Variants in SCARA3 observed in about 807,000 individuals in gnomAD.
SCARA3 encodes cellular stress response gene protein.
A neutral mutation model predicts 47.0 loss-of-function variants in SCARA3; 39 were observed. The ratio of observed to expected loss-of-function variants is 0.83; its 90% CI spans 0.64 to 1.08. The LOEUF is 1.08. SCARA3 is among the 50% of genes least tolerant of loss of function. SCARA3 has a pLI of 0.00. For synonymous variants in SCARA3, 356 were observed against 334.1 expected (o/e 1.07, Z -0.71); for missense variants, 724 against 792.3 (o/e 0.91, Z 1.04).
At position 27,671,670 on chromosome 8, in the gene SCARA3, GCA is replaced by G; in HGVS notation, c.*324_*325del. 6.5e-6 allele frequency: 7 copies of G among 1,083,138 alleles called. No homozygotes were observed. The highest frequency in any genetic ancestry group is 7.9e-6 in the Non-Finnish European group (7 of 889,446). The allele number at this position is 1,083,138 out of a possible 1,614,324, so 67.1% of individuals were successfully genotyped here. A position where few individuals can be genotyped will look rare whatever the true frequency, so the allele number is the denominator to read the frequency against. ...CACACACATGCACGCACACACACAT[GCA>G]CACATACACGTGCACACATACACAG... is the stretch of plus-strand genomic sequence containing the variant. On this transcript the variant is annotated 3_prime_UTR_variant, in exon 6 of 6. Coordinates refer to ENST00000301904, the MANE Select transcript of SCARA3 (RefSeq NM_016240.3).
At position 27,648,831 on chromosome 8, in the gene SCARA3, G is replaced by A. The variant is rs943400906; in HGVS notation, c.8-871G>A. 8.0e-5 allele frequency among the ~76,000 whole-genome samples: 12 copies of A among 150,178 alleles called. No individual in the cohort carries two copies. In the East Asian group the frequency reaches 2.3e-3, roughly 29 times the overall value. Reference sequence around the variant, plus strand: ...GGAGGAGAGAGAAAGAGAGAAAGGAGGGAGGGAGGGAGAGAGAAGGAAAGG... The same window carrying A: ...GGAGGAGAGAGAAAGAGAGAAAGGAAGGAGGGAGGGAGAGAGAAGGAAAGG... On this transcript the variant is annotated intron_variant, in intron 1 of 5. Coordinates refer to ENST00000301904, the MANE Select transcript of SCARA3 (RefSeq NM_016240.3).
At chr8:27,729,663 C>T in the SCARA3 span, among the ~76,000 whole-genome samples, 24 of 152,140 alleles carry the variant, frequency 1.6e-4, no homozygotes, top group Non-Finnish European at 2.8e-4. Flanking sequence ...TGTTGGTGGG[C>T]GCCTGTAGTC....
At chr8:27,705,411 A>G in the SCARA3 span, among the ~76,000 whole-genome samples, 3 of 152,214 alleles carry the variant, frequency 2.0e-5, no homozygotes, top group East Asian at 1.9e-4. Context: ...AGGGGAGCCA[A>G]TGTCAACATC....
downstream of SCARA3, among the ~76,000 whole-genome samples, chr8:27,673,397 G>C (rs1032278076): frequency 2.6e-5 from 4 of 152,274 alleles, no homozygotes; most frequent in Non-Finnish European, 5.9e-5. Flanking sequence ...GACCAGGCCA[G>C]ACCTGCCCCA....
downstream of SCARA3, among the ~76,000 whole-genome samples, chr8:27,679,002 AT>A (rs1317819410): frequency 1.3e-5 from 2 of 152,210 alleles, no homozygotes; most frequent in African/African-American, 4.8e-5. Context: ...ACCTTGGGCA[AT>A]ATAAATGGAA....
the SCARA3 span, among the ~76,000 whole-genome samples, chr8:27,683,612 C>T: frequency 3.9e-5 from 6 of 152,104 alleles, no homozygotes; most frequent in Non-Finnish European, 5.9e-5. Flanking sequence ...GGTAAACACC[C>T]ATCTACCAGA....
Position 27,659,376 on chromosome 8 carries a change from T to C in SCARA3, c.1206T>C (p.Ser402=), listed in dbSNP as rs780649553. ...HAEELYYLNK[S]VSIMLGTTDL... The stretch of plus-strand genomic sequence containing the variant: ...AGGAGCTCTACTACCTGAACAAGTC[T>C]GTCTCCATCATGCTGGGCACCACAG... The change falls in exon 5 of 6, where the codon TCT becomes TCC. Residue 402 remains serine, a synonymous_variant. Transcript: ENST00000301904. The C allele has an allele frequency of 7.4e-6, 12 of 1,613,986 alleles. No homozygotes were observed. In the African/African-American group the frequency reaches 1.1e-4, roughly 14 times the overall value.
At chr8:27,730,340 A>C in the SCARA3 span, among the ~76,000 whole-genome samples, 189 of 152,008 alleles carry the variant, frequency 1.2e-3, no homozygotes, top group African/African-American at 4.4e-3. Context: ...GGAATGCGGT[A>C]TTTTCTCTTG....
downstream of SCARA3, among the ~76,000 whole-genome samples, chr8:27,680,427 A>C (rs1459608953): frequency 6.6e-6 from 1 of 152,124 alleles, no homozygotes; most frequent in Non-Finnish European, 1.5e-5. Flanking sequence ...AAACATTTTG[A>C]ACAAGGTTAT....
the SCARA3 span, among the ~76,000 whole-genome samples, chr8:27,698,911 A>G: frequency 6.6e-6 from 1 of 152,080 alleles, no homozygotes; most frequent in South Asian, 2.1e-4. Flanking sequence ...GTCTATCTAT[A>G]TATATATCTC....
upstream of SCARA3, among the ~76,000 whole-genome samples, chr8:27,633,669 G>C (rs530324): frequency 0.55 from 83,465 of 151,928 alleles, 23,378 homozygotes; most frequent in East Asian, 0.89. Context: ...AGGCTGGGCT[G>C]TGGGGCTGCG....
chr8:27,662,161 T>C (rs1801925798), intron 5 of SCARA3, among the ~76,000 whole-genome samples: 1 of 152,206 alleles, frequency 6.6e-6, no homozygotes, highest in Non-Finnish European at 1.5e-5. Flanking sequence ...AGTAAAAATT[T>C]TCTAGTGGGT....
At chr8:27,705,173 G>A in the SCARA3 span, among the ~76,000 whole-genome samples, 3 of 152,278 alleles carry the variant, frequency 2.0e-5, no homozygotes, top group African/African-American at 7.2e-5. Flanking sequence ...GAGAGAAAAT[G>A]CATGTTCCAA....
chr8:27,673,983 A>G (rs34233764), downstream of SCARA3, among the ~76,000 whole-genome samples: 7 of 152,272 alleles, frequency 4.6e-5, no homozygotes, highest in East Asian at 1.4e-3. Context: ...CTGGAACTCC[A>G]GTCTGGTGTC....
chr8:27,726,608 G>A, the SCARA3 span, among the ~76,000 whole-genome samples: 1 of 151,980 alleles, frequency 6.6e-6, no homozygotes, highest in African/African-American at 2.4e-5. Flanking sequence ...ACTGAGGCAG[G>A]AGAATTGCTT....
intron 3 of SCARA3, among the ~76,000 whole-genome samples, chr8:27,656,046 C>A (rs1239970332): frequency 6.6e-6 from 1 of 152,140 alleles, no homozygotes; most frequent in Non-Finnish European, 1.5e-5. Flanking sequence ...CAGTAGTAGC[C>A]CAATACTAAG....
chr8:27,706,563 AGAGAAGGACAC>A, the SCARA3 span, among the ~76,000 whole-genome samples: 1 of 152,206 alleles, frequency 6.6e-6, no homozygotes, highest in African/African-American at 2.4e-5. Flanking sequence ...TGATTGGAGG[AGAGAAGGACAC>A]GAGATGGGGA....
At chr8:27,697,974 C>A in the SCARA3 span, among the ~76,000 whole-genome samples, 5 of 152,130 alleles carry the variant, frequency 3.3e-5, no homozygotes. Flanking sequence ...ACTTTCAATC[C>A]CACGTCACCT....
rs1359184343 is a variant in SCARA3 at position 27,658,751 on chromosome 8, GC to G, written c.582del (p.Trp195GlyfsTer12). 1 of 1,614,084 alleles carries G rather than the reference GC, an allele frequency of 6.2e-7. No individual in the cohort carries two copies. Among genetic ancestry groups the G allele is most frequent in the African/African-American group, 1.3e-5 (1 of 75,044 alleles). On this transcript the variant is annotated frameshift_variant, in exon 5 of 6. Transcript: ENST00000301904. LOFTEE classifies it high-confidence loss of function. ...SLGLFLAQVRGWQATTAGLDL... is the reference protein window; with the variant it reads ...SLGLFLAQVRXWQATTAGLDL... ...GGGCTCTTCCTGGCCCAGGTGAGAG[GC>G]TGGCAGGCCACCACAGCTGGCCTGG...
Sources: gnomAD v4.1 joint callset for allele counts (sites outside exome capture counted in the v4.1 genomes callset) on GRCh38, gnomAD v4.1.1 for gene constraint, MANE v1.5 for transcripts, NCBI Gene and HGNC (gene_info 2026-07-23, HGNC 2026-07-21) for gene names.